The following CTNNA3 variants were observed in gnomAD, a reference collection of about 807,000 sequenced individuals.
CTNNA3 encodes the protein catenin alpha-3.
In CTNNA3, 76 loss-of-function variants were observed where a neutral mutation model predicts 95.7. The observed-to-expected ratio is 0.79, with a 90% CI of 0.66 to 0.96. CTNNA3 has a LOEUF of 0.96. Ranked by LOEUF, CTNNA3 falls within the 40% of genes least tolerant of loss-of-function variation. CTNNA3 has a pLI of 0.00. For missense variants in CTNNA3, 1,191 were observed against 1,089.8 expected, an observed-to-expected ratio of 1.09 and a Z score of -1.31; for synonymous variants, 431 against 374.4, an observed-to-expected ratio of 1.15 and a Z score of -1.74.
intron 11 of CTNNA3, among the ~76,000 whole-genome samples, chr10:66,420,930 A>C (rs2093188195): frequency 6.6e-6 from 1 of 152,196 alleles, no homozygotes; most frequent in Non-Finnish European, 1.5e-5. Flanking sequence ...TCAAAGGAAA[A>C]GAAATCGGTA....
At chr10:66,343,436 G>C (rs1480984474) in intron 12 of CTNNA3, among the ~76,000 whole-genome samples, 1 of 152,006 alleles carries the variant, frequency 6.6e-6, no homozygotes, top group Non-Finnish European at 1.5e-5. Context: ...GATAGAATTG[G>C]AGGATTAGGA....
intron 7 of CTNNA3, among the ~76,000 whole-genome samples, chr10:67,122,840 G>A (rs942371113): frequency 1.3e-5 from 2 of 152,044 alleles, no homozygotes; most frequent in Non-Finnish European, 2.9e-5. Context: ...GCCATATACA[G>A]GATATCTTAC....
At chr10:66,071,750 A>T (rs144506910) in intron 14 of CTNNA3, among the ~76,000 whole-genome samples, 3 of 152,182 alleles carry the variant, frequency 2.0e-5, no homozygotes, top group Non-Finnish European at 2.9e-5. Flanking sequence ...TGTTTTGGAC[A>T]TCAAATGATA....
At chr10:66,755,642 C>T (rs1432853986) in intron 9 of CTNNA3, among the ~76,000 whole-genome samples, 3 of 152,000 alleles carry the variant, frequency 2.0e-5, no homozygotes, top group Non-Finnish European at 2.9e-5. Context: ...AATGCATGTG[C>T]CATATGACTC....
chr10:66,804,113 T>C, intron 7 of CTNNA3, among the ~76,000 whole-genome samples: 1 of 152,036 alleles, frequency 6.6e-6, no homozygotes, highest in Non-Finnish European at 1.5e-5. Context: ...GAATACTGCC[T>C]ACTATAATTG....
chr10:67,189,447 G>T (rs1430393962), intron 6 of CTNNA3, among the ~76,000 whole-genome samples: 3 of 152,094 alleles, frequency 2.0e-5, no homozygotes, highest in Non-Finnish European at 2.9e-5. Context: ...CTGTGTACTT[G>T]AAAATTGCTG....
chr10:66,914,436 G>A (rs907792283), intron 7 of CTNNA3, among the ~76,000 whole-genome samples: 16 of 151,432 alleles, frequency 1.1e-4, no homozygotes, highest in African/African-American at 3.6e-4. Flanking sequence ...AATGAACACA[G>A]AAGAATCTTA....
intron 7 of CTNNA3, among the ~76,000 whole-genome samples, chr10:66,863,190 C>T (rs974378882): frequency 3.3e-5 from 5 of 151,284 alleles, no homozygotes; most frequent in African/African-American, 1.2e-4. Flanking sequence ...TACACACACA[C>T]ACACACACAC....
chr10:66,849,259 A>G (rs923037942), intron 7 of CTNNA3, among the ~76,000 whole-genome samples: 3 of 152,212 alleles, frequency 2.0e-5, no homozygotes, highest in African/African-American at 7.2e-5. Context: ...TAACTGAGAA[A>G]TAATCAGGCT....
upstream of CTNNA3, among the ~76,000 whole-genome samples, chr10:67,696,385 T>C (rs2133598218): frequency 6.6e-6 from 1 of 152,318 alleles, no homozygotes; most frequent in South Asian, 2.1e-4. Flanking sequence ...GAACCTCTTC[T>C]ATCTAATTAA....
rs3055786 is a variant in CTNNA3, at chr10:66,865,213, C to CGTGTGTGT, written c.1048-89697_1048-89690dup. On this transcript the variant is annotated intron_variant, in intron 7 of 17. Transcript: ENST00000433211. The stretch of plus-strand genomic sequence containing the variant: ...AACAGGCATGGGGTGTGTGTGTGTG[C>CGTGTGTGT]GTGTGTGTGTGTGTGTGTGTGTGTG... Among the ~76,000 whole-genome samples, 1,423 of 143,914 alleles carry CGTGTGTGT rather than the reference C, an allele frequency of 9.9e-3. 18 individuals carry two copies. Among genetic ancestry groups the CGTGTGTGT allele is most frequent in the African/African-American group, 0.036 (1,347 of 37,856 alleles). 94.4% of individuals were successfully genotyped at this position (143,914 alleles called of 152,430 possible).
rs2092884500 is a variant in CTNNA3 at position 66,385,693 on chromosome 10, T to TA, written c.1532-6342dup. On this transcript the variant is annotated intron_variant, in intron 11 of 17. Coordinates refer to ENST00000433211, the MANE Select transcript of CTNNA3 (RefSeq NM_013266.4). ...TGAAGATTGATGTGAAAATCCTTAG[T>TA]AAAAAACTGGCAAACTGAATCCAGC... Among the ~76,000 whole-genome samples, 7 of 152,108 alleles carry TA rather than the reference T, an allele frequency of 4.6e-5. No homozygotes were observed. The South Asian group carries it at 1.5e-3, about 32-fold the overall frequency.
At chr10:67,711,949 G>C (rs1841112765) in intron 1 of CTNNA3, among the ~76,000 whole-genome samples, 6 of 152,082 alleles carry the variant, frequency 3.9e-5, no homozygotes, top group African/African-American at 1.4e-4. Context: ...TTCCAAACTA[G>C]TTCAACCATT....
chr10:67,627,397 G>A (rs1838995051), intron 2 of CTNNA3, among the ~76,000 whole-genome samples: 1 of 152,134 alleles, frequency 6.6e-6, no homozygotes, highest in Non-Finnish European at 1.5e-5. Flanking sequence ...CCTGTGTCCA[G>A]TATCTCAAAG....
intron 15 of CTNNA3, among the ~76,000 whole-genome samples, chr10:66,016,527 A>G (rs1371725858): frequency 6.6e-6 from 1 of 152,180 alleles, no homozygotes; most frequent in Non-Finnish European, 1.5e-5. Flanking sequence ...ATTTATTTTT[A>G]CAGTAATTTT....
intron 11 of CTNNA3, among the ~76,000 whole-genome samples, chr10:66,398,666 A>C (rs2092997846): frequency 6.7e-6 from 1 of 150,070 alleles, no homozygotes; most frequent in Non-Finnish European, 1.5e-5. Context: ...GAAACAGAAC[A>C]CTTTTTTTTA....
rs543145965 is a variant in CTNNA3, at chr10:66,781,143, G to A, written c.1048-5619C>T. On this transcript the variant is annotated intron_variant, in intron 7 of 17. Coordinates refer to ENST00000433211, the MANE Select transcript of CTNNA3 (RefSeq NM_013266.4). ...CAAATAAAAATTTATCTAATTCATAGTCAAATGAAAATCAGTGCAGAGGAG... is the reference window on the plus strand; with the variant it reads ...CAAATAAAAATTTATCTAATTCATAATCAAATGAAAATCAGTGCAGAGGAG... 3.3e-5 allele frequency among the ~76,000 whole-genome samples: 5 copies of A among 152,274 alleles called. No homozygotes were observed. In the East Asian group the frequency reaches 7.7e-4, roughly 23 times the overall value.
At chr10:66,882,296 A>C (rs1482009995) in intron 7 of CTNNA3, among the ~76,000 whole-genome samples, 1 of 152,106 alleles carries the variant, frequency 6.6e-6, no homozygotes, top group Non-Finnish European at 1.5e-5. Context: ...AAATTAATTA[A>C]ATTTGAGTTA....
chr10:65,966,794 G>C, intron 16 of CTNNA3, 48 bp from the exon 17 acceptor site: 1 of 1,472,146 alleles, frequency 6.8e-7, no homozygotes, highest in Non-Finnish European at 9.4e-7. Context: ...ATAAATAATA[G>C]TTAGATCAAG....
Sources: allele counts gnomAD v4.1 joint callset (sites outside exome capture counted in the v4.1 genomes callset), GRCh38; gene constraint gnomAD v4.1.1; transcripts MANE v1.5; gene names NCBI Gene and HGNC (gene_info 2026-07-23, HGNC 2026-07-21).